PRKCE: variants seen among roughly 807,000 people sequenced by gnomAD.
PRKCE encodes protein kinase C epsilon type.
A neutral mutation model predicts 85.4 loss-of-function variants in PRKCE; 16 were observed. The observed-to-expected ratio is 0.19, with a 90% CI of 0.13 to 0.28. The LOEUF is 0.28. Among genes scored for constraint, PRKCE ranks in the 10% least tolerant of loss-of-function variants. The pLI is 1.00. For synonymous variants in PRKCE, 388 were observed against 371.5 expected (o/e 1.04, Z -0.51); for missense variants, 573 against 975.2 (o/e 0.59, Z 5.49).
chr2:46,144,386 C>G (rs1034068842), intron 11 of PRKCE, among the ~76,000 whole-genome samples: 4 of 152,204 alleles, frequency 2.6e-5, no homozygotes, highest in Non-Finnish European at 5.9e-5. Context: ...TCCTAGCATT[C>G]CAGGCTCTTT....
At chr2:45,874,542 G>A (rs1694329597) in intron 2 of PRKCE, among the ~76,000 whole-genome samples, 1 of 152,220 alleles carries the variant, frequency 6.6e-6, no homozygotes, top group South Asian at 2.1e-4. Context: ...CAGACTCCCT[G>A]CCTCCTTCTT....
At chr2:45,680,644 A>G (rs1057049749) in intron 1 of PRKCE, among the ~76,000 whole-genome samples, 7 of 152,232 alleles carry the variant, frequency 4.6e-5, no homozygotes, top group African/African-American at 1.7e-4. Context: ...ATATACATAC[A>G]TATATGGCCA....
intron 1 of PRKCE, among the ~76,000 whole-genome samples, chr2:45,665,893 C>T (rs1310575273): frequency 6.6e-6 from 1 of 152,116 alleles, no homozygotes; most frequent in African/African-American, 2.4e-5. Context: ...TCCTCTTGTC[C>T]CTGTGAGGGC....
At chr2:46,113,241 G>T (rs1375274028) in intron 11 of PRKCE, among the ~76,000 whole-genome samples, 2 of 152,202 alleles carry the variant, frequency 1.3e-5, no homozygotes, top group African/African-American at 4.8e-5. Context: ...CTGCAAGTGT[G>T]TTCTCTTTGC....
intron 1 of PRKCE, among the ~76,000 whole-genome samples, chr2:45,830,770 T>A (rs1690358735): frequency 6.6e-6 from 1 of 152,244 alleles, no homozygotes; most frequent in Admixed American, 6.5e-5. Flanking sequence ...TCAGAGTCCA[T>A]TGACAATATT....
chr2:45,721,214 A>T (rs1680592379), intron 1 of PRKCE, among the ~76,000 whole-genome samples: 1 of 152,164 alleles, frequency 6.6e-6, no homozygotes, highest in African/African-American at 2.4e-5. Context: ...TAAACAAGGA[A>T]ACTGAGGCTC....
chr2:46,154,692 A>G lies in PRKCE; in HGVS notation c.1920+3463A>G, dbSNP rs557198677. On this transcript the variant is annotated intron_variant, in intron 13 of 14. Coordinates refer to ENST00000306156, the MANE Select transcript of PRKCE (RefSeq NM_005400.3). ...TTCTCCTGCTGCCCTCTTAGTGCCA[A>G]CATTTTCATAGGTTGACTCAGTAGC... Among the ~76,000 whole-genome samples, 8 of 150,908 alleles carry G rather than the reference A, an allele frequency of 5.3e-5. 1 individual carries two copies. Among genetic ancestry groups the G allele is most frequent in the Admixed American group, 5.3e-4 (8 of 15,196 alleles).
intron 2 of PRKCE, among the ~76,000 whole-genome samples, chr2:45,927,318 A>AGTAT (rs1698709112): frequency 1.3e-5 from 2 of 152,228 alleles, no homozygotes; most frequent in Non-Finnish European, 2.9e-5. Context: ...GAAGGAGACG[A>AGTAT]GTATTCATTG....
intron 4 of PRKCE, among the ~76,000 whole-genome samples, 156 bp from the exon 5 acceptor site, chr2:45,980,140 A>G (rs1702767835): frequency 6.6e-6 from 1 of 152,190 alleles, no homozygotes; most frequent in Non-Finnish European, 1.5e-5. Context: ...GTTTTGAAAT[A>G]GCTGTATAAA....
chr2:46,050,220 C>G (rs1284654801), intron 10 of PRKCE, among the ~76,000 whole-genome samples: 1 of 152,244 alleles, frequency 6.6e-6, no homozygotes, highest in Non-Finnish European at 1.5e-5. Context: ...AAAGGCACTG[C>G]TGCCAAGACT....
intron 2 of PRKCE, among the ~76,000 whole-genome samples, chr2:45,883,781 A>C (rs995791909): frequency 6.6e-6 from 1 of 152,158 alleles, no homozygotes. Context: ...TCCTTTCTGC[A>C]CAGCCACTGT....
chr2:45,823,783 G>T (rs553284117), intron 1 of PRKCE, among the ~76,000 whole-genome samples: 1 of 152,240 alleles, frequency 6.6e-6, no homozygotes, highest in Non-Finnish European at 1.5e-5. Flanking sequence ...ACCTCTGAGG[G>T]CATGTCCAGC....
intron 2 of PRKCE, among the ~76,000 whole-genome samples, chr2:45,922,105 G>T (rs554645936): frequency 8.5e-5 from 13 of 152,170 alleles, no homozygotes; most frequent in Non-Finnish European, 2.9e-5. Context: ...TGGTGTGAAT[G>T]TGGTTCCTAA....
intron 11 of PRKCE, among the ~76,000 whole-genome samples, chr2:46,102,279 C>T (rs903106664): frequency 2.6e-5 from 4 of 152,158 alleles, no homozygotes; most frequent in East Asian, 1.9e-4. Context: ...TGTTAACAGG[C>T]CTACACTGGG....
intron 10 of PRKCE, among the ~76,000 whole-genome samples, chr2:46,043,083 T>A (rs1404209836): frequency 6.8e-6 from 1 of 146,398 alleles, no homozygotes. Flanking sequence ...GGGAAAACTT[T>A]GTAGGGCCTT....
chr2:45,777,382 GT>G (rs1305522971), intron 1 of PRKCE, among the ~76,000 whole-genome samples: 3 of 152,100 alleles, frequency 2.0e-5, no homozygotes, highest in African/African-American at 7.2e-5. Flanking sequence ...AAGCATGGAG[GT>G]TTAGAGCCAC....
intron 10 of PRKCE, among the ~76,000 whole-genome samples, chr2:46,077,338 A>G (rs1036404650): frequency 1.3e-5 from 2 of 152,232 alleles, no homozygotes; most frequent in Admixed American, 1.3e-4. Flanking sequence ...TACATGAAAT[A>G]TGTACAGCTT....
chr2:45,789,722 A>C (rs1255622075), intron 1 of PRKCE, among the ~76,000 whole-genome samples: 1 of 152,206 alleles, frequency 6.6e-6, no homozygotes, highest in Non-Finnish European at 1.5e-5. Context: ...AATCATTTGA[A>C]AATACCCCTG....
chr2:45,933,647 T>C (rs1051742596), intron 2 of PRKCE, among the ~76,000 whole-genome samples: 1 of 151,868 alleles, frequency 6.6e-6, no homozygotes, highest in Non-Finnish European at 1.5e-5. Flanking sequence ...TTAATTTTTT[T>C]TTGTGTTTTT....
Sources: gnomAD v4.1 joint callset for allele counts (sites outside exome capture counted in the v4.1 genomes callset) on GRCh38, gnomAD v4.1.1 for gene constraint, MANE v1.5 for transcripts, NCBI Gene and HGNC (gene_info 2026-07-23, HGNC 2026-07-21) for gene names.